SYT5: variants seen among roughly 807,000 people sequenced by gnomAD.
SYT5 encodes synaptotagmin 5.
Under a neutral mutation model 36.0 loss-of-function variants are expected in SYT5, and 29 were observed. That is an observed-to-expected ratio of 0.81 (90% CI 0.60 to 1.10). SYT5 has a LOEUF of 1.10. Ranked by LOEUF, SYT5 falls within the 50% of genes least tolerant of loss-of-function variation. SYT5 has a pLI of 0.00. For synonymous variants in SYT5, 231 were observed against 227.6 expected, an observed-to-expected ratio of 1.02 and a Z score of -0.14; for missense variants, 512 against 516.0, an observed-to-expected ratio of 0.99 and a Z score of 0.08.
In SYT5 at chr19:55,173,835, CG is replaced by C. The variant is rs2086033986; in HGVS notation, c.961-152del. ...TCGGGACGGGGGAGGGGGTGGGAGA[CG>C]AGAGGGACGGAGCCTGCGGCGAGGA... is the stretch of plus-strand genomic sequence containing the variant. On this transcript the variant is annotated intron_variant, in intron 8 of 8. Transcript: ENST00000354308. This position sits in a 1 kb window ranked among gnomAD's most constrained non-coding sequence, Gnocchi z 5.4. 5 of 717,180 alleles carry C rather than the reference CG, an allele frequency of 7.0e-6. No individual in the cohort carries two copies. The highest frequency in any genetic ancestry group is 1.0e-5 in the Non-Finnish European group (5 of 498,152). The allele number at this position is 717,180 out of a possible 1,614,324, so 44.4% of individuals were successfully genotyped here.
Position 55,173,694 on chromosome 19 carries a change from G to A in SYT5, c.961-10C>T. ...GCTCCACCTGCACCTTCTGGGGTGG[G>A]CGCGGGAGGAAGAGGAGAGAGGAGC... On this transcript the variant is annotated splice_polypyrimidine_tract_variant and intron_variant, in intron 8 of 8. Coordinates refer to ENST00000354308, the MANE Select transcript of SYT5 (RefSeq NM_003180.3). This position sits in a 1 kb window ranked among gnomAD's most constrained non-coding sequence, Gnocchi z 5.4. The A allele has an allele frequency of 7.3e-7, 1 of 1,376,024 alleles. No homozygotes were observed. Among genetic ancestry groups the A allele is most frequent in the Non-Finnish European group, 9.4e-7 (1 of 1,058,446 alleles). 85.2% of individuals were successfully genotyped at this position (1,376,024 alleles called of 1,614,324 possible). A position where few individuals can be genotyped will look rare whatever the true frequency, so the allele number is the denominator to read the frequency against.
At chr19:55,174,417 C>G in intron 8 of SYT5, 100 bp downstream of exon 8, 2 of 1,465,192 alleles carry the variant, frequency 1.4e-6, no homozygotes, top group Non-Finnish European at 1.8e-6. Flanking sequence ...CTCAGACCCC[C>G]TCACCTGGTT....
Position 55,178,323 on chromosome 19 carries a change from A to T in SYT5, c.125T>A (p.Leu42His). 1 of 1,612,000 alleles carries T rather than the reference A, an allele frequency of 6.2e-7. No homozygotes were observed. The highest frequency in any genetic ancestry group is 2.2e-5 in the East Asian group (1 of 44,800). ...LATIVLVSGL[L>H]IFSCCFCLYR... is the part of the protein sequence containing the mutation. Reference sequence around the variant, plus strand: ...GAGACAGAAACAGCAGCTGAAGATGAGGAGGCCTGAGACCAGCACGATGGT... The same window carrying T: ...GAGACAGAAACAGCAGCTGAAGATGTGGAGGCCTGAGACCAGCACGATGGT... Residue 42 changes from leucine to histidine, a missense_variant, in exon 3 of 9, where the codon CTC (leucine) becomes CAC (histidine). By Grantham distance (99) the Leu-to-His change is moderately conservative. Coordinates refer to ENST00000354308, the MANE Select transcript of SYT5 (RefSeq NM_003180.3).
In SYT5 at chr19:55,179,285, T is replaced by G; in HGVS notation, c.-45-199A>C. 2.2e-6 allele frequency: 3 copies of G among 1,362,860 alleles called. No homozygotes were observed. The highest frequency in any genetic ancestry group is 2.8e-6 in the Non-Finnish European group (3 of 1,054,766). The allele number at this position is 1,362,860 out of a possible 1,614,324, so 84.4% of individuals were successfully genotyped here. A position where few individuals can be genotyped will look rare whatever the true frequency, so the allele number is the denominator to read the frequency against. Reference sequence around the variant, plus strand: ...AGTTCCATCCTAAAGGGATACCCTCTTCCTCCACGGCCCCACAGGCATCCC... The same window carrying G: ...AGTTCCATCCTAAAGGGATACCCTCGTCCTCCACGGCCCCACAGGCATCCC... On this transcript the variant is annotated intron_variant, in intron 1 of 8. Transcript: ENST00000354308. The surrounding 1 kb of genome is among the most constrained non-coding windows in gnomAD (Gnocchi z 4.5).
At chr19:55,178,753 ATTTTTTTTTTTTTTTTTTTTTT>A (rs5828614) in intron 2 of SYT5, among the ~76,000 whole-genome samples, 188 bp downstream of exon 2, 1 of 50,472 alleles carries the variant, frequency 2.0e-5, no homozygotes, top group Non-Finnish European at 3.4e-5. Context: ...TCCGGTTTCG[ATTTTTTTTTTTTTTTTTTTTTT>A]TTTTTTTTTG....
At position 55,174,885 on chromosome 19, in the gene SYT5, A is replaced by G; in HGVS notation, c.823T>C (p.Ser275Pro). The G allele has an allele frequency of 9.3e-6, 15 of 1,613,972 alleles. No individual in the cohort carries two copies. Among genetic ancestry groups the G allele is most frequent in the Non-Finnish European group, 1.3e-5 (15 of 1,179,928 alleles). The change falls in exon 7 of 9, where the codon TCA becomes CCA. Residue 275 changes from serine to proline, a missense_variant. Physicochemically the swap from Ser to Pro is moderately conservative, Grantham distance 74. Transcript: ENST00000354308. ...CACTCCCTTGCTTCCCACACACCTG[A>G]CAGTCCTCCTACGTCCATCTTCTTC... ...NLKKMDVGGL[S>P]DPYVKVHLLQ...
chr19:55,176,097 G>A lies in SYT5; in HGVS notation c.280C>T (p.Pro94Ser). 7 of 1,614,166 alleles carry A rather than the reference G, an allele frequency of 4.3e-6. No homozygotes were observed. The highest frequency in any genetic ancestry group is 1.1e-5 in the South Asian group (1 of 91,084). The stretch of plus-strand genomic sequence containing the variant: ...TGCTGCCCTGGCCCGGATGGTGCTG[G>A]CTCCAGCTCCTCTACTTCTGGCTGC... ...KVQPEVEELEPAPSGPGQQVA... is the reference protein window; with the variant it reads ...KVQPEVEELESAPSGPGQQVA... Residue 94 changes from proline to serine, a missense_variant, in exon 4 of 9, where the codon CCA becomes TCA. By Grantham distance (74) the Pro-to-Ser change is moderately conservative. Coordinates refer to ENST00000354308, the MANE Select transcript of SYT5 (RefSeq NM_003180.3).
rs374710915 is a variant in SYT5 at position 55,178,499 on chromosome 19, T to A, written c.80-131A>T. On this transcript the variant is annotated intron_variant, in intron 2 of 8. Coordinates refer to ENST00000354308, the MANE Select transcript of SYT5 (RefSeq NM_003180.3). ...GCCATTTTCATTGCATTTCTTCCTG[T>A]GTTTTTCTTCCACCTAATGTGGCCT... The A allele has an allele frequency of 1.8e-5, 20 of 1,140,074 alleles. No individual in the cohort carries two copies. The East Asian group carries it at 2.1e-4, about 12-fold the overall frequency. 70.6% of individuals were successfully genotyped at this position (1,140,074 alleles called of 1,614,324 possible). A position where few individuals can be genotyped will look rare whatever the true frequency, so the allele number is the denominator to read the frequency against.
rs144089464 is a variant in SYT5, at chr19:55,176,009, C to T, written c.368G>A (p.Gly123Asp). 4.3e-6 allele frequency: 7 copies of T among 1,613,922 alleles called. No homozygotes were observed. The African/African-American group carries it at 5.3e-5, about 12-fold the overall frequency. The change falls in exon 4 of 9, where the codon GGC becomes GAC. Residue 123 changes from glycine (G) to aspartate (D), a missense_variant. Transcript: ENST00000354308. ...TTCCCCTTCCTCCACACCCACCTGGCCACTCTGGAAGTCATAATCCAGGGA... is the reference window on the plus strand; with the variant it reads ...TTCCCCTTCCTCCACACCCACCTGGTCACTCTGGAAGTCATAATCCAGGGA... ...QYSLDYDFQS[G>D]QLLVGILQAM...
At position 55,175,848 on chromosome 19, in the gene SYT5, C is replaced by A. The variant is rs1223617740; in HGVS notation, c.401G>T (p.Gly134Val). The A allele has an allele frequency of 1.2e-6, 2 of 1,614,200 alleles. No individual in the cohort carries two copies. Among genetic ancestry groups the A allele is most frequent in the Non-Finnish European group, 1.7e-6 (2 of 1,180,034 alleles). The change falls in exon 5 of 9, where the codon GGA (glycine) becomes GTA (valine). Residue 134 changes from glycine to valine, a missense_variant. Gly to Val is a moderately radical substitution (Grantham distance 109). Coordinates refer to ENST00000354308, the MANE Select transcript of SYT5 (RefSeq NM_003180.3). The surrounding 1 kb of genome is among the most constrained non-coding windows in gnomAD (Gnocchi z 4.5). Reference sequence around the variant, plus strand: ...GCCACCAAGATCCAAGGCTGCCAATCCCATTGCTTGCAGAATGCCCACCAG... The same window carrying A: ...GCCACCAAGATCCAAGGCTGCCAATACCATTGCTTGCAGAATGCCCACCAG... Reference protein sequence around the residue: ...QLLVGILQAMGLAALDLGGSS... With the variant: ...QLLVGILQAMVLAALDLGGSS...
rs1192065961 is a variant in SYT5 at position 55,175,090 on chromosome 19, G to A, written c.708+82C>T. ...CCACGCCGCCCTGAGGGTCTGGAAA[G>A]CCTATGATCTGATTGGCTCAGGATG... On this transcript the variant is annotated intron_variant, in intron 6 of 8. Coordinates refer to ENST00000354308, the MANE Select transcript of SYT5 (RefSeq NM_003180.3). The surrounding 1 kb of genome is among the most constrained non-coding windows in gnomAD (Gnocchi z 4.5). 8 of 1,590,064 alleles carry A rather than the reference G, an allele frequency of 5.0e-6. No homozygotes were observed. Among genetic ancestry groups the A allele is most frequent in the Non-Finnish European group, 6.8e-6 (8 of 1,171,202 alleles).
chr19:55,179,332 G>A lies in SYT5; in HGVS notation c.-45-246C>T. 1 of 1,164,084 alleles carries A rather than the reference G, an allele frequency of 8.6e-7. No individual in the cohort carries two copies. The highest frequency in any genetic ancestry group is 1.1e-6 in the Non-Finnish European group (1 of 887,954). The allele number at this position is 1,164,084 out of a possible 1,614,324, so 72.1% of individuals were successfully genotyped here. A position where few individuals can be genotyped will look rare whatever the true frequency, so the allele number is the denominator to read the frequency against. On this transcript the variant is annotated intron_variant, in intron 1 of 8. Coordinates refer to ENST00000354308, the MANE Select transcript of SYT5 (RefSeq NM_003180.3). The surrounding 1 kb of genome is among the most constrained non-coding windows in gnomAD (Gnocchi z 4.5). Reference sequence around the variant, plus strand: ...TCCCGCTGACTTCTGCCTCGTCCTCGCCCCTCCGCAGGGTCTGAACCGGAA... The same window carrying A: ...TCCCGCTGACTTCTGCCTCGTCCTCACCCCTCCGCAGGGTCTGAACCGGAA...
chr19:55,175,454 G>A lies in SYT5; in HGVS notation c.541-115C>T. On this transcript the variant is annotated intron_variant, in intron 5 of 8. Coordinates refer to ENST00000354308, the MANE Select transcript of SYT5 (RefSeq NM_003180.3). The surrounding 1 kb of genome is among the most constrained non-coding windows in gnomAD (Gnocchi z 4.5). ...CAGCGAGGGTCGAAGCGAACAGTTG[G>A]GGGAACTCAAATGGGAAAGTCCAGG... The A allele has an allele frequency of 8.1e-7, 1 of 1,241,352 alleles. No homozygotes were observed. The highest frequency in any genetic ancestry group is 1.1e-6 in the Non-Finnish European group (1 of 918,234). 76.9% of individuals were successfully genotyped at this position (1,241,352 alleles called of 1,614,324 possible).
At position 55,171,995 on chromosome 19, in the gene SYT5, G is replaced by C. The variant is rs1467866352; in HGVS notation, c.*1489C>G. 2 of 152,048 alleles carry C rather than the reference G, an allele frequency of 1.3e-5. No individual in the cohort carries two copies. Among genetic ancestry groups the C allele is most frequent in the Non-Finnish European group, 2.9e-5 (2 of 68,134 alleles). The allele number at this position is 152,048 out of a possible 1,614,324, so 9.4% of individuals were successfully genotyped here. On this transcript the variant is annotated 3_prime_UTR_variant, in exon 9 of 9. Transcript: ENST00000354308. ...AAGAAGAGGCTGAGGCAGAAGAATC[G>C]CTTGAACCCGGGAGGCAGGGGTTGC...
chr19:55,174,136 C>T (rs1389726693), intron 8 of SYT5: 1 of 207,494 alleles, frequency 4.8e-6, no homozygotes, highest in Admixed American at 5.4e-5. Context: ...AGGAGTGGGG[C>T]ATCCTGGTCC....
intron 7 of SYT5, 93 bp from the exon 8 acceptor site, chr19:55,174,743 C>A: frequency 6.3e-7 from 1 of 1,589,596 alleles, no homozygotes. Context: ...GTCTCCCTAG[C>A]TCTATGCCAA....
rs1446515335 is a variant in SYT5 at position 55,173,612 on chromosome 19, C to A, written c.1033G>T (p.Val345Leu). Residue 345 changes from valine (V) to leucine (L), a missense_variant, in exon 9 of 9, where the codon GTG (valine) becomes TTG (leucine). Coordinates refer to ENST00000354308, the MANE Select transcript of SYT5 (RefSeq NM_003180.3). This position sits in a 1 kb window ranked among gnomAD's most constrained non-coding sequence, Gnocchi z 5.4. Reference sequence around the variant, plus strand: ...CCAGCCCCGCCGGCGGCCGCCCCCACGGCCACCCTCCCGATGGCCTCGTTC... The same window carrying A: ...CCAGCCCCGCCGGCGGCCGCCCCCAAGGCCACCCTCCCGATGGCCTCGTTC... ...GKNEAIGRVA[V>L]GAAAGGAGLR... The A allele has an allele frequency of 1.3e-6, 2 of 1,486,828 alleles. No individual in the cohort carries two copies. Among genetic ancestry groups the A allele is most frequent in the East Asian group, 2.9e-5 (1 of 34,288 alleles). The allele number at this position is 1,486,828 out of a possible 1,614,324, so 92.1% of individuals were successfully genotyped here. A position where few individuals can be genotyped will look rare whatever the true frequency, so the allele number is the denominator to read the frequency against.
At position 55,178,803 on chromosome 19, in the gene SYT5, T is replaced by C. The variant is rs903952155; in HGVS notation, c.79+160A>G. On this transcript the variant is annotated intron_variant, in intron 2 of 8. Transcript: ENST00000354308. Reference sequence around the variant, plus strand: ...TTTTTTTGCAAATCTGTTCCTTCCTTTTACCCCATTTCGTTCGCATTCCAG... The same window carrying C: ...TTTTTTTGCAAATCTGTTCCTTCCTCTTACCCCATTTCGTTCGCATTCCAG... 2.4e-4 allele frequency among the ~76,000 whole-genome samples: 34 copies of C among 144,242 alleles called. 1 individual carries two copies. Among genetic ancestry groups the C allele is most frequent in the Non-Finnish European group, 3.6e-4 (24 of 67,158 alleles). 94.6% of individuals were successfully genotyped at this position (144,242 alleles called of 152,430 possible).
chr19:55,174,081 C>A, intron 8 of SYT5: 1 of 205,510 alleles, frequency 4.9e-6, no homozygotes, highest in Non-Finnish European at 9.6e-6. Flanking sequence ...CTGAGGAGGG[C>A]GGGGCATCCT....
Sources: gnomAD v4.1 joint callset for allele counts (sites outside exome capture counted in the v4.1 genomes callset) on GRCh38, gnomAD v4.1.1 for gene constraint, Gnocchi (gnomAD v3.1) non-coding constraint, MANE v1.5 for transcripts, NCBI Gene and HGNC (gene_info 2026-07-23, HGNC 2026-07-21) for gene names.